The following CPQ variants were observed in gnomAD, a reference collection of about 807,000 sequenced individuals.
CPQ encodes the protein Ser-Met dipeptidase.
A neutral mutation model predicts 45.7 loss-of-function variants in CPQ; 37 were observed. The observed-to-expected ratio is 0.81, with a 90% confidence interval of 0.62 to 1.07. CPQ has a LOEUF of 1.07. Among genes scored for constraint, CPQ ranks in the 50% least tolerant of loss-of-function variants. CPQ has a pLI of 0.00. For synonymous variants in CPQ, 186 were observed against 205.8 expected, an observed-to-expected ratio of 0.90 and a Z score of 0.82; for missense variants, 537 against 572.9, an observed-to-expected ratio of 0.94 and a Z score of 0.64.
At chr8:96,820,119 A>G (rs1036177889) in intron 2 of CPQ, among the ~76,000 whole-genome samples, 2 of 152,054 alleles carry the variant, frequency 1.3e-5, no homozygotes, top group African/African-American at 4.8e-5. Context: ...TCACAGATTG[A>G]TGTGGATGGT....
chr8:96,847,254 TG>T (rs1811707382), intron 3 of CPQ, among the ~76,000 whole-genome samples: 1 of 152,220 alleles, frequency 6.6e-6, no homozygotes, highest in African/African-American at 2.4e-5. Flanking sequence ...TTTCACCCAG[TG>T]AGATTTTAAC....
chr8:96,683,282 G>A (rs1232515844), intron 1 of CPQ, among the ~76,000 whole-genome samples: 5 of 152,022 alleles, frequency 3.3e-5, no homozygotes, highest in Non-Finnish European at 4.4e-5. Flanking sequence ...AGATTTGCTA[G>A]GTATGGTATT....
chr8:96,894,022 C>T (rs1181874485), intron 4 of CPQ, among the ~76,000 whole-genome samples: 1 of 152,188 alleles, frequency 6.6e-6, no homozygotes, highest in Non-Finnish European at 1.5e-5. Context: ...CCTCCTTGCT[C>T]TTTCTCTTGC....
chr8:96,692,612 C>T (rs950157175), intron 1 of CPQ, among the ~76,000 whole-genome samples: 2 of 152,226 alleles, frequency 1.3e-5, no homozygotes, highest in Non-Finnish European at 2.9e-5. Context: ...ACAGGAGCCA[C>T]AGTTTTACTA....
At chr8:96,683,772 A>G (rs1286017949) in intron 1 of CPQ, among the ~76,000 whole-genome samples, 1 of 151,322 alleles carries the variant, frequency 6.6e-6, no homozygotes, top group Non-Finnish European at 1.5e-5. Flanking sequence ...TTATTAAAAA[A>G]AAAAAACCTG....
chr8:96,656,342 C>T (rs1045963894), intron 1 of CPQ, among the ~76,000 whole-genome samples: 5 of 152,132 alleles, frequency 3.3e-5, no homozygotes, highest in Admixed American at 1.3e-4. Flanking sequence ...TCCCATGCTT[C>T]GGGGAGACCA....
intron 2 of CPQ, among the ~76,000 whole-genome samples, chr8:96,809,867 A>G (rs1811138175): frequency 1.3e-5 from 2 of 152,148 alleles, no homozygotes; most frequent in Admixed American, 6.5e-5. Context: ...TTTATAGGCT[A>G]TATATTTCAG....
chr8:97,063,140 T>G (rs914352864), intron 6 of CPQ, among the ~76,000 whole-genome samples: 15 of 152,124 alleles, frequency 9.9e-5, no homozygotes, highest in African/African-American at 2.4e-5. Flanking sequence ...CTCACCAGCA[T>G]GTACTTTTTT....
chr8:96,648,102 C>A (rs143850322), intron 1 of CPQ, among the ~76,000 whole-genome samples: 1 of 152,108 alleles, frequency 6.6e-6, no homozygotes, highest in African/African-American at 2.4e-5. Context: ...GAGCAAAAGA[C>A]GAAAAGAGAG....
At chr8:96,768,865 G>A (rs1004678493) in intron 1 of CPQ, among the ~76,000 whole-genome samples, 15 of 152,124 alleles carry the variant, frequency 9.9e-5, no homozygotes, top group African/African-American at 3.6e-4. Flanking sequence ...TAATCCAAAG[G>A]AAATTACTAA....
intron 1 of CPQ, among the ~76,000 whole-genome samples, chr8:96,753,174 A>G: frequency 6.6e-6 from 1 of 151,974 alleles, no homozygotes; most frequent in South Asian, 2.1e-4. Flanking sequence ...TTTTTTCCAT[A>G]TTGGTTTATG....
chr8:96,982,871 A>T (rs1220259710), intron 5 of CPQ, among the ~76,000 whole-genome samples: 1 of 152,166 alleles, frequency 6.6e-6, no homozygotes, highest in Non-Finnish European at 1.5e-5. Flanking sequence ...AGAAAATCTC[A>T]TATTTCTTTT....
At chr8:97,073,550 G>A (rs1411599066) in intron 7 of CPQ, among the ~76,000 whole-genome samples, 1 of 152,202 alleles carries the variant, frequency 6.6e-6, no homozygotes, top group Non-Finnish European at 1.5e-5. Context: ...GAACCTCTCT[G>A]ATTTGTGGCT....
intron 1 of CPQ, among the ~76,000 whole-genome samples, chr8:96,656,775 C>T (rs1177380333): frequency 6.6e-6 from 1 of 152,160 alleles, no homozygotes; most frequent in Non-Finnish European, 1.5e-5. Context: ...CTTGGCTTTG[C>T]AAGTGAGCCA....
intron 3 of CPQ, among the ~76,000 whole-genome samples, chr8:96,836,350 C>T (rs1282357164): frequency 6.6e-6 from 1 of 152,072 alleles, no homozygotes; most frequent in Non-Finnish European, 1.5e-5. Context: ...AGGAAAGAGA[C>T]ATTTTCCTTA....
intron 7 of CPQ, among the ~76,000 whole-genome samples, chr8:97,109,423 AC>A (rs1811463670): frequency 6.6e-6 from 1 of 152,086 alleles, no homozygotes; most frequent in Non-Finnish European, 1.5e-5. Context: ...CTATGTTGAG[AC>A]ATTGGAGGAT....
chr8:96,699,131 C>A (rs1019606144), intron 1 of CPQ, among the ~76,000 whole-genome samples: 4 of 152,126 alleles, frequency 2.6e-5, no homozygotes, highest in Non-Finnish European at 5.9e-5. Context: ...TACATGTACA[C>A]AATGGAGTAC....
intron 6 of CPQ, among the ~76,000 whole-genome samples, chr8:97,044,880 G>A (rs1454179339): frequency 1.3e-5 from 2 of 152,196 alleles, no homozygotes; most frequent in Admixed American, 6.5e-5. Flanking sequence ...TGTGTGAGGT[G>A]TCAGTCTGCC....
At chr8:96,896,857 C>A (rs1563523473) in intron 4 of CPQ, among the ~76,000 whole-genome samples, 1 of 152,148 alleles carries the variant, frequency 6.6e-6, no homozygotes. Context: ...GCCTTCTGCA[C>A]CAGCAGAAGC....
Sources: allele counts gnomAD v4.1 joint callset (sites outside exome capture counted in the v4.1 genomes callset), GRCh38; gene constraint gnomAD v4.1.1; transcripts MANE v1.5; gene names NCBI Gene and HGNC (gene_info 2026-07-23, HGNC 2026-07-21).